PLK2: variants seen among roughly 807,000 people sequenced by gnomAD.
PLK2 encodes the protein serine/threonine-protein kinase PLK2.
Under a neutral mutation model 78.1 loss-of-function variants are expected in PLK2, and 25 were observed. The observed-to-expected ratio is 0.32, with a 90% CI of 0.23 to 0.45. The LOEUF (loss-of-function observed/expected upper bound fraction) is 0.45. PLK2 is among the 20% of genes least tolerant of loss of function. The pLI, the probability that PLK2 is intolerant of heterozygous loss-of-function variation, is 1.00. For missense variants in PLK2, 566 were observed against 840.2 expected (o/e 0.67, Z 4.04); for synonymous variants, 332 against 298.2 (o/e 1.11, Z -1.17).
At chr5:58,456,307 A>T in intron 9 of PLK2, 152 bp from the exon 10 acceptor site, 1 of 784,016 alleles carries the variant, frequency 1.3e-6, no homozygotes, top group Non-Finnish European at 2.0e-6. Flanking sequence ...CAGTAAACTC[A>T]CTTGCATGCA....
Position 58,457,457 on chromosome 5 carries a change from G to T in PLK2, c.809+31C>A, listed in dbSNP as rs1391256734. On this transcript the variant is annotated intron_variant, in intron 6 of 13. Coordinates refer to ENST00000274289, the MANE Select transcript of PLK2 (RefSeq NM_006622.4). ...AGTGTTAAAATCTAAATCCGAATTT[G>T]CTTTTTAATTATTCTGCTGCATTTA... The T allele has an allele frequency of 1.9e-6, 3 of 1,582,396 alleles. No individual in the cohort carries two copies. The South Asian group carries it at 3.3e-5, about 18-fold the overall frequency.
At chr5:58,459,553 G>A in intron 1 of PLK2, 137 bp downstream of exon 1, 3 of 719,036 alleles carry the variant, frequency 4.2e-6, no homozygotes, top group Non-Finnish European at 6.7e-6. Context: ...GGCAGGTGAG[G>A]AGCCCACCTC....
At chr5:58,457,723 C>CT (rs1488045824) in intron 5 of PLK2, 140 bp from the exon 6 acceptor site, 2 of 618,362 alleles carry the variant, frequency 3.2e-6, no homozygotes, top group Non-Finnish European at 5.7e-6. Context: ...AAACATTTGA[C>CT]TTTTGGCATC....
Position 58,458,177 on chromosome 5 carries a change from C to G in PLK2, c.626-6G>C, listed in dbSNP as rs697135. ...TTCATTAATAAAAAAGTTCCCTAGA[C>G]GATAAACAAAACAAAATGTGAATCC... On this transcript the variant is annotated splice_polypyrimidine_tract_variant and splice_region_variant and intron_variant, in intron 4 of 13. Coordinates refer to ENST00000274289, the MANE Select transcript of PLK2 (RefSeq NM_006622.4). 1 of 1,588,626 alleles carries G rather than the reference C, an allele frequency of 6.3e-7. No individual in the cohort carries two copies. The highest frequency in any genetic ancestry group is 1.7e-5 in the Admixed American group (1 of 59,948).
chr5:58,458,712 A>T lies in PLK2; in HGVS notation c.495+13T>A, dbSNP rs752574812. 5 of 1,344,146 alleles carry T rather than the reference A, an allele frequency of 3.7e-6. No homozygotes were observed. The East Asian group carries it at 1.1e-4, about 31-fold the overall frequency. 83.3% of individuals were successfully genotyped at this position (1,344,146 alleles called of 1,614,324 possible). A position where few individuals can be genotyped will look rare whatever the true frequency, so the allele number is the denominator to read the frequency against. On this transcript the variant is annotated intron_variant, in intron 3 of 13. Coordinates refer to ENST00000274289, the MANE Select transcript of PLK2 (RefSeq NM_006622.4). ...GGGTAAGCAAATGTTCTCAAATAGG[A>T]GTTGACACTTACCCTTCTACTGCAG...
Position 58,457,031 on chromosome 5 carries a change from G to A in PLK2, c.1070C>T (p.Ser357Leu). Residue 357 changes from serine (S) to leucine (L), a missense_variant, in exon 8 of 14, where the codon TCA (serine) becomes TTA (leucine). Physicochemically the swap from Ser to Leu is moderately radical, Grantham distance 145. Around this residue, in one of 5 missense-constraint regions of PLK2, gnomAD observed 179 missense variants for 342.3 expected, o/e 0.52. Transcript: ENST00000274289. ...CCHTVPDFHL[S>L]SPAKNFFKKA... Reference sequence around the variant, plus strand: ...CTTAAAGAAATTCTTAGCTGGGCTTGATAAGTGGAAATCTGGAACTGTATG... The same window carrying A: ...CTTAAAGAAATTCTTAGCTGGGCTTAATAAGTGGAAATCTGGAACTGTATG... The A allele has an allele frequency of 1.9e-6, 3 of 1,613,554 alleles. No individual in the cohort carries two copies. Among genetic ancestry groups the A allele is most frequent in the Non-Finnish European group, 2.5e-6 (3 of 1,179,526 alleles).
intron 10 of PLK2, 121 bp from the exon 11 acceptor site, chr5:58,455,900 C>T: frequency 2.0e-6 from 3 of 1,474,154 alleles, no homozygotes; most frequent in Non-Finnish European, 9.2e-7. Flanking sequence ...AGATTATTTT[C>T]CAATTCCTGT....
intron 3 of PLK2, 41 bp from the exon 4 acceptor site, chr5:58,458,569 G>C: frequency 6.3e-7 from 1 of 1,577,060 alleles, no homozygotes; most frequent in Non-Finnish European, 8.6e-7. Context: ...TGTCAAAACA[G>C]TTATCAAAAT....
In PLK2 at chr5:58,459,862, T is replaced by C. The variant is rs1168355632; in HGVS notation, c.98A>G (p.Lys33Arg). The change falls in exon 1 of 14, where the codon AAG becomes AGG. Residue 33 changes from lysine (K) to arginine (R), a missense_variant. Lys to Arg is a conservative substitution (Grantham distance 26). Around this residue, in one of 5 missense-constraint regions of PLK2, gnomAD observed 127 missense variants for 122.5 expected, o/e 1.04. Transcript: ENST00000274289. ...TTCCTCGGGGGGCTGCGGCGGCCGC[T>C]TCTTCTTCGAGTCCGCTCCGCAACC... ...GKGCGADSKKKRPPQPPEESQ... is the reference protein window; with the variant it reads ...GKGCGADSKKRRPPQPPEESQ... 2 of 1,611,138 alleles carry C rather than the reference T, an allele frequency of 1.2e-6. No homozygotes were observed. Among genetic ancestry groups the C allele is most frequent in the African/African-American group, 1.3e-5 (1 of 75,022 alleles).
Position 58,459,035 on chromosome 5 carries a change from C to T in PLK2, c.328G>A (p.Ala110Thr), listed in dbSNP as rs866031157. 8.1e-6 allele frequency: 13 copies of T among 1,612,152 alleles called. No homozygotes were observed. Among genetic ancestry groups the T allele is most frequent in the Non-Finnish European group, 1.1e-5 (13 of 1,178,276 alleles). ...ACTCTGCTGTGAGGAATAATTTTTG[C>T]GGCGTAGACTTTGTTATTTGTCAAA... The part of the protein sequence containing the change: ...TDLTNNKVYA[A>T]KIIPHSRVAK... The change falls in exon 2 of 14, where the codon GCA (alanine) becomes ACA (threonine). Residue 110 changes from alanine (A) to threonine (T), a missense_variant. Coordinates refer to ENST00000274289, the MANE Select transcript of PLK2 (RefSeq NM_006622.4).
Position 58,460,042 on chromosome 5 carries a change from T to G in PLK2, c.-83A>C, listed in dbSNP as rs1027086415. 17 of 1,465,376 alleles carry G rather than the reference T, an allele frequency of 1.2e-5. No homozygotes were observed. Among genetic ancestry groups the G allele is most frequent in the Admixed American group, 2.1e-5 (1 of 47,046 alleles). 90.8% of individuals were successfully genotyped at this position (1,465,376 alleles called of 1,614,324 possible). ...GAGCCGGCCGTGGTCCTCGCACCCT[T>G]GCCTCTGGTGCCGACTAGCACCCAA... On this transcript the variant is annotated 5_prime_UTR_variant, in exon 1 of 14. Coordinates refer to ENST00000274289, the MANE Select transcript of PLK2 (RefSeq NM_006622.4).
chr5:58,458,184 C>T lies in PLK2; in HGVS notation c.626-13G>A, dbSNP rs1379749084. 12 of 1,561,938 alleles carry T rather than the reference C, an allele frequency of 7.7e-6. No homozygotes were observed. The South Asian group carries it at 1.2e-4, about 16-fold the overall frequency. On this transcript the variant is annotated splice_polypyrimidine_tract_variant and intron_variant, in intron 4 of 13. Coordinates refer to ENST00000274289, the MANE Select transcript of PLK2 (RefSeq NM_006622.4). ...ATAAAAAAGTTCCCTAGACGATAAACAAAACAAAATGTGAATCCCTTTGAA... is the reference window on the plus strand; with the variant it reads ...ATAAAAAAGTTCCCTAGACGATAAATAAAACAAAATGTGAATCCCTTTGAA...
intron 4 of PLK2, 69 bp from the exon 5 acceptor site, chr5:58,458,240 A>C (rs1434213360): frequency 1.1e-5 from 15 of 1,328,398 alleles, no homozygotes; most frequent in Non-Finnish European, 1.5e-5. Flanking sequence ...ACACACATCC[A>C]CTTTGGAGCC....
Position 58,458,713 on chromosome 5 carries a change from G to A in PLK2, c.495+12C>T, listed in dbSNP as rs1291942339. 1 of 1,384,940 alleles carries A rather than the reference G, an allele frequency of 7.2e-7. No homozygotes were observed. Among genetic ancestry groups the A allele is most frequent in the Non-Finnish European group, 1.0e-6 (1 of 973,574 alleles). The allele number at this position is 1,384,940 out of a possible 1,614,324, so 85.8% of individuals were successfully genotyped here. Reference sequence around the variant, plus strand: ...GGTAAGCAAATGTTCTCAAATAGGAGTTGACACTTACCCTTCTACTGCAGT... The same window carrying A: ...GGTAAGCAAATGTTCTCAAATAGGAATTGACACTTACCCTTCTACTGCAGT... On this transcript the variant is annotated intron_variant, in intron 3 of 13. Transcript: ENST00000274289.
rs1290848525 is a variant in PLK2, at chr5:58,457,239, T to C, written c.950A>G (p.Lys317Arg). The C allele has an allele frequency of 1.2e-6, 2 of 1,614,188 alleles. No individual in the cohort carries two copies. Among genetic ancestry groups the C allele is most frequent in the Non-Finnish European group, 8.5e-7 (1 of 1,180,026 alleles). Residue 317 changes from lysine (K) to arginine (R), a missense_variant, in exon 7 of 14, where the codon AAA becomes AGA. This residue lies in a region of PLK2 where 179 missense variants were observed against 342.3 expected (regional missense o/e 0.52). Coordinates refer to ENST00000274289, the MANE Select transcript of PLK2 (RefSeq NM_006622.4). ...CAAACTGGGACGATCCTCTGGGTTTTTGGACAACATACTAGCAATTAAGTG... is the reference window on the plus strand; with the variant it reads ...CAAACTGGGACGATCCTCTGGGTTTCTGGACAACATACTAGCAATTAAGTG... ...AKHLIASMLS[K>R]NPEDRPSLDD...
At chr5:58,458,360 C>T (rs1233108283) in intron 4 of PLK2, 39 bp downstream of exon 4, 2 of 1,603,726 alleles carry the variant, frequency 1.2e-6, no homozygotes, top group South Asian at 2.2e-5. Context: ...GAAAAAAGAA[C>T]TCTAACACAA....
rs759274028 is a variant in PLK2, at chr5:58,455,411, T to C, written c.1629A>G (p.Thr543=). The change falls in exon 12 of 14, where the codon ACA becomes ACG. Residue 543 remains threonine, a synonymous_variant. Coordinates refer to ENST00000274289, the MANE Select transcript of PLK2 (RefSeq NM_006622.4). ...GGCCAAGCTCTGCGTAATAGTGAAC[T>C]GTTCTATAAAAACAGGAACGAAAGG... ...AHMSLLPDKK[T]VHYYAELGQC... 3 of 1,613,896 alleles carry C rather than the reference T, an allele frequency of 1.9e-6. No homozygotes were observed. The East Asian group carries it at 6.7e-5, about 36-fold the overall frequency.
At chr5:58,458,961 A>T in intron 2 of PLK2, 24 bp downstream of exon 2, 1 of 1,430,890 alleles carries the variant, frequency 7.0e-7, no homozygotes, top group Non-Finnish European at 9.9e-7. Context: ...CAAAGAAAAT[A>T]CTTTACTCAA....
At chr5:58,459,651 T>TCTCG in intron 1 of PLK2, 39 bp downstream of exon 1, 1 of 1,511,690 alleles carries the variant, frequency 6.6e-7, no homozygotes, top group Non-Finnish European at 8.9e-7. Context: ...CGGACAGACC[T>TCTCG]CCCGCCCGCC....
Sources: allele counts gnomAD v4.1 joint callset, GRCh38; gene constraint gnomAD v4.1.1; regional missense constraint gnomAD v4.1.1; transcripts MANE v1.5; gene names NCBI Gene and HGNC (gene_info 2026-07-23, HGNC 2026-07-21).